The following RNF43 variants were observed in gnomAD, a reference collection of about 807,000 sequenced individuals.
The protein encoded by RNF43 is ring finger protein 43.
RNF43 carries 37 observed loss-of-function variants against 78.4 expected under a neutral mutation model. The ratio of observed to expected loss-of-function variants is 0.47; its 90% CI spans 0.36 to 0.62. RNF43 has a LOEUF of 0.62. RNF43 is among the 20% of genes least tolerant of loss of function. The probability of loss-of-function intolerance (pLI) is 0.00; values close to 1 mark genes in which losing one functional copy is unlikely to be tolerated. For missense variants in RNF43, 774 were observed against 1,007.9 expected (o/e 0.77, Z 3.14); for synonymous variants, 347 against 395.0 (o/e 0.88, Z 1.44).
At chr17:58,398,312 C>T (rs190907331) in intron 2 of RNF43, among the ~76,000 whole-genome samples, 90 of 152,286 alleles carry the variant, frequency 5.9e-4, no homozygotes, top group African/African-American at 1.7e-3. Flanking sequence ...TCATTATGGT[C>T]ATTTTTGGCA....
At chr17:58,371,538 C>T (rs1290388052) in intron 2 of RNF43, among the ~76,000 whole-genome samples, 2 of 152,254 alleles carry the variant, frequency 1.3e-5, no homozygotes, top group Non-Finnish European at 2.9e-5. Context: ...AACTGTTGCC[C>T]TGTAGATTCC....
At chr17:58,364,933 A>C (rs1020377762) in intron 3 of RNF43, among the ~76,000 whole-genome samples, 2 of 152,186 alleles carry the variant, frequency 1.3e-5, no homozygotes, top group African/African-American at 4.8e-5. Context: ...AGCAAGGCCC[A>C]GGGGGCCACT....
At chr17:58,395,327 C>T (rs912065920) in intron 2 of RNF43, among the ~76,000 whole-genome samples, 2 of 152,154 alleles carry the variant, frequency 1.3e-5, no homozygotes, top group African/African-American at 4.8e-5. Flanking sequence ...ATGTTAAGTT[C>T]CCTAGCTTTA....
chr17:58,410,333 T>C (rs1266016388), intron 2 of RNF43, among the ~76,000 whole-genome samples: 1 of 152,228 alleles, frequency 6.6e-6, no homozygotes, highest in Non-Finnish European at 1.5e-5. Context: ...CTAAAAGCCA[T>C]GTCAGGAAGG....
intron 2 of RNF43, among the ~76,000 whole-genome samples, chr17:58,411,885 G>A (rs1164310786): frequency 2.6e-5 from 4 of 152,234 alleles, no homozygotes; most frequent in South Asian, 2.1e-4. Context: ...CCAGAAAACC[G>A]GAAATTAGAC....
At position 58,395,792 on chromosome 17, in the gene RNF43, C is replaced by T. The variant is rs774792910; in HGVS notation, c.252+19534G>A. On this transcript the variant is annotated intron_variant, in intron 2 of 9. Coordinates refer to ENST00000407977, the MANE Select transcript of RNF43 (RefSeq NM_017763.6). The stretch of plus-strand genomic sequence containing the variant: ...CTATAAACATTTTATCAACATATTA[C>T]AATAAAATCCTCTAAGAAGCTGCCT... 4.1e-4 allele frequency among the ~76,000 whole-genome samples: 62 copies of T among 152,156 alleles called. 1 individual carries two copies. The highest frequency in any genetic ancestry group is 5.6e-4 in the Non-Finnish European group (38 of 68,028).
At chr17:58,353,425 T>A (rs1224104550), downstream of RNF43, 1 of 198,784 alleles carries the variant, frequency 5.0e-6, no homozygotes, top group Non-Finnish European at 1.0e-5. Context: ...AAGTGAACAG[T>A]ATAATAATAA....
At chr17:58,362,770 G>A (rs1162934550) in intron 5 of RNF43, 122 bp from the exon 6 acceptor site, 7 of 668,560 alleles carry the variant, frequency 1.0e-5, no homozygotes, top group Non-Finnish European at 1.8e-5. Context: ...TCCTCCATCT[G>A]AGGGGATGGA....
rs142328472 is a variant in RNF43 at position 58,367,616 on chromosome 17, C to A, written c.375+3295G>T. ...CAGGCAAAAGGCCACTGCACTAGTT[C>A]AGGCATGAGGTGATAAGGCTCTGGC... On this transcript the variant is annotated intron_variant, in intron 3 of 9. Coordinates refer to ENST00000407977, the MANE Select transcript of RNF43 (RefSeq NM_017763.6). 5.8e-4 allele frequency among the ~76,000 whole-genome samples: 88 copies of A among 152,306 alleles called. 1 individual carries two copies. In the East Asian group the frequency reaches 0.012, roughly 20 times the overall value.
intron 3 of RNF43, among the ~76,000 whole-genome samples, chr17:58,365,870 G>T (rs1050994498): frequency 1.3e-5 from 2 of 152,236 alleles, no homozygotes; most frequent in South Asian, 2.1e-4. Context: ...CCTAGGGGCA[G>T]CAGGCAAGGC....
rs1972615884 is a variant in RNF43 at position 58,353,690 on chromosome 17, T to C, written c.*1253A>G. The C allele has an allele frequency of 1.4e-5, 3 of 210,422 alleles. No individual in the cohort carries two copies. Among genetic ancestry groups the C allele is most frequent in the Non-Finnish European group, 2.9e-5 (3 of 103,288 alleles). The allele number at this position is 210,422 out of a possible 1,614,324, so 13.0% of individuals were successfully genotyped here. A position where few individuals can be genotyped will look rare whatever the true frequency, so the allele number is the denominator to read the frequency against. On this transcript the variant is annotated 3_prime_UTR_variant, in exon 10 of 10. Coordinates refer to ENST00000407977, the MANE Select transcript of RNF43 (RefSeq NM_017763.6). ...ACCAGACCACATTTGTGGATAAATA[T>C]ATTAGCAAATAAATATATTTCTTAA...
chr17:58,397,096 T>C (rs1219943305), intron 2 of RNF43, among the ~76,000 whole-genome samples: 1 of 150,022 alleles, frequency 6.7e-6, no homozygotes, highest in Non-Finnish European at 1.5e-5. Context: ...AGGGTAGAGA[T>C]TGAAAGAAAA....
At chr17:58,413,759 T>C (rs1405595579) in intron 2 of RNF43, among the ~76,000 whole-genome samples, 1 of 152,228 alleles carries the variant, frequency 6.6e-6, no homozygotes, top group East Asian at 1.9e-4. Context: ...TAGAGCTTTA[T>C]GATAATAAGA....
chr17:58,413,924 C>A (rs1477720790), intron 2 of RNF43, among the ~76,000 whole-genome samples: 1 of 152,102 alleles, frequency 6.6e-6, no homozygotes, highest in African/African-American at 2.4e-5. Context: ...AAATGGAGCA[C>A]ACAATTCATG....
chr17:58,379,939 G>A (rs1184983713), intron 2 of RNF43, among the ~76,000 whole-genome samples: 1 of 152,202 alleles, frequency 6.6e-6, no homozygotes, highest in Non-Finnish European at 1.5e-5. Flanking sequence ...AGCTACTCAT[G>A]AAGTTAGAAG....
At chr17:58,394,175 T>A (rs1941896404) in intron 2 of RNF43, among the ~76,000 whole-genome samples, 1 of 152,214 alleles carries the variant, frequency 6.6e-6, no homozygotes, top group African/African-American at 2.4e-5. Flanking sequence ...TTCAGTTTGA[T>A]TTTTAGAACA....
At chr17:58,399,950 A>G (rs1431760586) in intron 2 of RNF43, among the ~76,000 whole-genome samples, 1 of 152,140 alleles carries the variant, frequency 6.6e-6, no homozygotes, top group Admixed American at 6.5e-5. Context: ...AATAGCAGCA[A>G]TTTAAAAAAA....
At chr17:58,413,021 C>T (rs1974054685) in intron 2 of RNF43, among the ~76,000 whole-genome samples, 1 of 152,148 alleles carries the variant, frequency 6.6e-6, no homozygotes, top group South Asian at 2.1e-4. Flanking sequence ...TTTTAGATTT[C>T]TGACACCAGG....
At chr17:58,371,485 G>A (rs1029030235) in intron 2 of RNF43, among the ~76,000 whole-genome samples, 2 of 152,326 alleles carry the variant, frequency 1.3e-5, no homozygotes, top group East Asian at 3.9e-4. Flanking sequence ...GGGCAGTGCT[G>A]GATGCTGCTG....
Sources: gnomAD v4.1 joint callset for allele counts (sites outside exome capture counted in the v4.1 genomes callset) on GRCh38, gnomAD v4.1.1 for gene constraint, MANE v1.5 for transcripts, NCBI Gene and HGNC (gene_info 2026-07-23, HGNC 2026-07-21) for gene names.